Variants in SEMA5A observed in about 807,000 individuals in gnomAD.
The protein encoded by SEMA5A is semaphorin-5A.
In SEMA5A, 55 loss-of-function variants were observed where a neutral mutation model predicts 135.5. The observed-to-expected ratio is 0.41, with a 90% confidence interval of 0.33 to 0.51. The LOEUF (loss-of-function observed/expected upper bound fraction) is 0.51. Among genes scored for constraint, SEMA5A ranks in the 20% least tolerant of loss-of-function variants. The probability of loss-of-function intolerance (pLI) is 0.37; values close to 1 mark genes in which losing one functional copy is unlikely to be tolerated. For missense variants in SEMA5A, 1,290 were observed against 1,419.9 expected, an observed-to-expected ratio of 0.91 and a Z score of 1.47; for synonymous variants, 580 against 546.5, an observed-to-expected ratio of 1.06 and a Z score of -0.85.
intron 11 of SEMA5A, among the ~76,000 whole-genome samples, chr5:9,189,786 A>T (rs1333451186): frequency 2.0e-5 from 3 of 152,260 alleles, no homozygotes; most frequent in African/African-American, 7.2e-5. Flanking sequence ...CATTTGCTGT[A>T]AATGTTCCAT....
chr5:9,063,780 T>TG (rs1737312009), intron 17 of SEMA5A, among the ~76,000 whole-genome samples: 1 of 152,056 alleles, frequency 6.6e-6, no homozygotes, highest in Non-Finnish European at 1.5e-5. Flanking sequence ...CAGCAGCAGG[T>TG]GGGCTGTGGG....
In SEMA5A at chr5:9,328,633, G is replaced by A. The variant is rs1031457444; in HGVS notation, c.224+9080C>T. 3.9e-5 allele frequency among the ~76,000 whole-genome samples: 6 copies of A among 152,098 alleles called. No homozygotes were observed. The South Asian group carries it at 6.2e-4, about 16-fold the overall frequency. On this transcript the variant is annotated intron_variant, in intron 4 of 22. Transcript: ENST00000382496. Reference sequence around the variant, plus strand: ...GTCTCCACTAAAAATACAATTAGCCGGATATGGTGGTGGGTGCCTGCAATC... The same window carrying A: ...GTCTCCACTAAAAATACAATTAGCCAGATATGGTGGTGGGTGCCTGCAATC...
At chr5:9,500,350 C>G (rs1735529439) in intron 1 of SEMA5A, among the ~76,000 whole-genome samples, 1 of 152,188 alleles carries the variant, frequency 6.6e-6, no homozygotes, top group Admixed American at 6.5e-5. Flanking sequence ...GATATTCTTT[C>G]CAAATGACAA....
intron 1 of SEMA5A, among the ~76,000 whole-genome samples, chr5:9,505,607 A>G (rs1045948978): frequency 6.6e-6 from 1 of 152,204 alleles, no homozygotes; most frequent in African/African-American, 2.4e-5. Context: ...TCTCTCTTCC[A>G]GAAAGGAGAG....
chr5:9,453,089 A>C lies in SEMA5A; in HGVS notation c.-174-15237T>G, dbSNP rs138497645. 4.3e-4 allele frequency among the ~76,000 whole-genome samples: 66 copies of C among 152,358 alleles called. 1 individual carries two copies. The East Asian group carries it at 0.011, about 25-fold the overall frequency. ...TTTATACCTGTGGGATTAAAAGTGC[A>C]AAAGGAGTCAGATCAGTCTAGATGT... On this transcript the variant is annotated intron_variant, in intron 1 of 22. Coordinates refer to ENST00000382496, the MANE Select transcript of SEMA5A (RefSeq NM_003966.3).
chr5:9,282,731 G>T (rs971166674), intron 5 of SEMA5A, among the ~76,000 whole-genome samples: 1 of 152,058 alleles, frequency 6.6e-6, no homozygotes, highest in African/African-American at 2.4e-5. Context: ...TCTAAAATAC[G>T]TAATTCCATC....
chr5:9,299,889 A>G lies in SEMA5A; in HGVS notation c.270+18483T>C, dbSNP rs539553293. On this transcript the variant is annotated intron_variant, in intron 5 of 22. Coordinates refer to ENST00000382496, the MANE Select transcript of SEMA5A (RefSeq NM_003966.3). ...AAATGTAGCTGAGATGTAACAGAAGAGTTTTAAGGCCCCTCAGTGGCCCTG... is the reference window on the plus strand; with the variant it reads ...AAATGTAGCTGAGATGTAACAGAAGGGTTTTAAGGCCCCTCAGTGGCCCTG... Among the ~76,000 whole-genome samples the G allele has an allele frequency of 1.2e-3, 183 of 152,294 alleles. 1 individual carries two copies. Among genetic ancestry groups the G allele is most frequent in the Middle Eastern group, 6.8e-3 (2 of 294 alleles).
At chr5:9,449,753 C>T (rs1395809193) in intron 1 of SEMA5A, among the ~76,000 whole-genome samples, 1 of 152,094 alleles carries the variant, frequency 6.6e-6, no homozygotes, top group East Asian at 1.9e-4. Context: ...CTAAGCCTCA[C>T]CCAGATCTAG....
chr5:9,307,726 A>G (rs1427093510), intron 5 of SEMA5A, among the ~76,000 whole-genome samples: 1 of 152,144 alleles, frequency 6.6e-6, no homozygotes, highest in African/African-American at 2.4e-5. Context: ...CCCATCACTC[A>G]GCAGTCATGG....
chr5:9,497,486 T>C (rs1270320607), intron 1 of SEMA5A, among the ~76,000 whole-genome samples: 2 of 152,128 alleles, frequency 1.3e-5, no homozygotes, highest in Non-Finnish European at 2.9e-5. Flanking sequence ...ATCTCAATAA[T>C]TGGGTACACC....
intron 5 of SEMA5A, among the ~76,000 whole-genome samples, chr5:9,317,753 A>T (rs912461301): frequency 1.3e-5 from 2 of 152,230 alleles, no homozygotes; most frequent in East Asian, 3.9e-4. Flanking sequence ...TTGTGTCTTA[A>T]CTCTCTTATT....
At chr5:9,088,405 G>A (rs1380343006) in intron 16 of SEMA5A, among the ~76,000 whole-genome samples, 1 of 150,402 alleles carries the variant, frequency 6.6e-6, no homozygotes, top group Admixed American at 6.6e-5. Flanking sequence ...GTTATGTTGG[G>A]GTGAATATAG....
At chr5:9,464,801 G>T (rs1028520663) in intron 1 of SEMA5A, among the ~76,000 whole-genome samples, 1 of 152,190 alleles carries the variant, frequency 6.6e-6, no homozygotes, top group South Asian at 2.1e-4. Context: ...TGTGGTCATC[G>T]TTCTCTGGAA....
In SEMA5A at chr5:9,035,906, A is replaced by G. The variant is rs1442613831; in HGVS notation, c.*6991T>C. The stretch of plus-strand genomic sequence containing the variant: ...GTCTTTTAAAATTAAATTTAAGATC[A>G]GTAACTGTCTGCAAGCTTACCAAGG... On this transcript the variant is annotated 3_prime_UTR_variant, in exon 23 of 23. Coordinates refer to ENST00000382496, the MANE Select transcript of SEMA5A (RefSeq NM_003966.3). The G allele has an allele frequency of 6.7e-6, 1 of 149,372 alleles. No homozygotes were observed. Among genetic ancestry groups the G allele is most frequent in the East Asian group, 2.0e-4 (1 of 5,038 alleles). 9.3% of individuals were successfully genotyped at this position (149,372 alleles called of 1,614,324 possible).
chr5:9,139,114 A>G (rs1403985919), intron 12 of SEMA5A, among the ~76,000 whole-genome samples: 1 of 152,222 alleles, frequency 6.6e-6, no homozygotes, highest in African/African-American at 2.4e-5. Flanking sequence ...ATAGATACCC[A>G]GTAGTGGGAT....
At chr5:9,050,367 A>T in intron 21 of SEMA5A, 43 bp downstream of exon 21, 5 of 1,524,880 alleles carry the variant, frequency 3.3e-6, no homozygotes, top group Non-Finnish European at 4.5e-6. Context: ...TGATTAGAAT[A>T]TATCAGTACA....
chr5:9,463,254 T>C (rs920382205), intron 1 of SEMA5A, among the ~76,000 whole-genome samples: 12 of 152,062 alleles, frequency 7.9e-5, no homozygotes, highest in African/African-American at 2.9e-4. Flanking sequence ...AAATAAAAGA[T>C]CATTGAAACA....
At chr5:9,442,012 A>T (rs1210493755) in intron 1 of SEMA5A, among the ~76,000 whole-genome samples, 1 of 152,144 alleles carries the variant, frequency 6.6e-6, no homozygotes, top group African/African-American at 2.4e-5. Context: ...CAAGAAGGGG[A>T]GAAGCTGGGG....
chr5:9,516,736 C>T (rs62342584), intron 1 of SEMA5A: 1 of 152,232 alleles, frequency 6.6e-6, no homozygotes, highest in African/African-American at 2.4e-5. Context: ...GCTCCCCTCC[C>T]CATGCAACTG....
Sources: gnomAD v4.1 joint callset for allele counts (sites outside exome capture counted in the v4.1 genomes callset) on GRCh38, gnomAD v4.1.1 for gene constraint, MANE v1.5 for transcripts, NCBI Gene and HGNC (gene_info 2026-07-23, HGNC 2026-07-21) for gene names.